Variants in DIAPH1 observed in about 807,000 individuals in gnomAD.
DIAPH1 encodes the protein protein diaphanous homolog 1.
DIAPH1 carries 46 observed loss-of-function variants against 140.7 expected under a neutral mutation model. The ratio of observed to expected loss-of-function variants is 0.33; its 90% CI spans 0.26 to 0.42. The LOEUF is 0.42. DIAPH1 is among the 10% of genes least tolerant of loss of function. The probability of loss-of-function intolerance (pLI) is 1.00; values close to 1 mark genes in which losing one functional copy is unlikely to be tolerated. For missense variants in DIAPH1, 1,310 were observed against 1,558.7 expected, an observed-to-expected ratio of 0.84 and a Z score of 2.69; for synonymous variants, 565 against 551.6, an observed-to-expected ratio of 1.02 and a Z score of -0.34.
Position 141,529,288 on chromosome 5 carries a change from A to T in DIAPH1, c.2677-15T>A. 1 of 1,604,328 alleles carries T rather than the reference A, an allele frequency of 6.2e-7. No individual in the cohort carries two copies. Among genetic ancestry groups the T allele is most frequent in the Non-Finnish European group, 8.5e-7 (1 of 1,171,012 alleles). On this transcript the variant is annotated splice_polypyrimidine_tract_variant and intron_variant, in intron 20 of 27. Transcript: ENST00000389054. The stretch of plus-strand genomic sequence containing the variant: ...TTAATGAGGTTCTGAAAGACAGAAG[A>T]GACATCTCAGCTGGAGGGGAATTCG...
chr5:141,542,654 A>G (rs2099890182), intron 18 of DIAPH1, among the ~76,000 whole-genome samples: 1 of 152,206 alleles, frequency 6.6e-6, no homozygotes, highest in Non-Finnish European at 1.5e-5. Flanking sequence ...AGGTAAATCT[A>G]TAGAGACACA....
At chr5:141,533,089 T>A (rs1281725917) in intron 19 of DIAPH1, among the ~76,000 whole-genome samples, 1 of 152,218 alleles carries the variant, frequency 6.6e-6, no homozygotes, top group Non-Finnish European at 1.5e-5. Context: ...ATTGGCTGTG[T>A]GATCTGGGCA....
intron 1 of DIAPH1, among the ~76,000 whole-genome samples, chr5:141,614,491 T>A (rs2099902343): frequency 6.6e-6 from 1 of 152,118 alleles, no homozygotes; most frequent in Non-Finnish European, 1.5e-5. Flanking sequence ...TTAAATCATG[T>A]CTCACTATTT....
In DIAPH1 at chr5:141,515,919, T is replaced by TC. The variant is rs1416871172; in HGVS notation, c.*931_*932insG. 2 of 148,992 alleles carry TC rather than the reference T, an allele frequency of 1.3e-5. No homozygotes were observed. The highest frequency in any genetic ancestry group is 3.9e-4 in the East Asian group (2 of 5,166). 9.2% of individuals were successfully genotyped at this position (148,992 alleles called of 1,614,324 possible). On this transcript the variant is annotated 3_prime_UTR_variant, in exon 28 of 28. Coordinates refer to ENST00000389054, the MANE Select transcript of DIAPH1 (RefSeq NM_005219.5). ...GAAGGAACAGTTTTCTTTAAAAAAATTTTTTTTTTCATACAAAAATAGATC... is the reference window on the plus strand; with the variant it reads ...GAAGGAACAGTTTTCTTTAAAAAAATCTTTTTTTTTCATACAAAAATAGATC...
chr5:141,612,723 T>C (rs926797452), intron 1 of DIAPH1, among the ~76,000 whole-genome samples: 1 of 152,150 alleles, frequency 6.6e-6, no homozygotes, highest in South Asian at 2.1e-4. Context: ...ACTATAGAAA[T>C]GGTTTCATGA....
chr5:141,525,371 C>T (rs769109876), intron 26 of DIAPH1, among the ~76,000 whole-genome samples: 3 of 152,000 alleles, frequency 2.0e-5, no homozygotes, highest in African/African-American at 4.8e-5. Flanking sequence ...TGTATTTCCG[C>T]TGCCCACAGA....
At chr5:141,609,281 G>A (rs1279980531) in intron 1 of DIAPH1, among the ~76,000 whole-genome samples, 1 of 151,534 alleles carries the variant, frequency 6.6e-6, no homozygotes, top group Non-Finnish European at 1.5e-5. Flanking sequence ...TTAATAGACT[G>A]TAGATGACCA....
At chr5:141,552,028 G>A (rs1326540326) in intron 18 of DIAPH1, among the ~76,000 whole-genome samples, 1 of 152,110 alleles carries the variant, frequency 6.6e-6, no homozygotes, top group Non-Finnish European at 1.5e-5. Context: ...CAGAATAATG[G>A]TCCTCCAAAG....
rs372638311 is a variant in DIAPH1, at chr5:141,516,819, G to T, written c.*32C>A. 5 of 1,612,810 alleles carry T rather than the reference G, an allele frequency of 3.1e-6. No homozygotes were observed. Among genetic ancestry groups the T allele is most frequent in the African/African-American group, 1.3e-5 (1 of 74,918 alleles). Reference sequence around the variant, plus strand: ...GCAGGGCAGGACAGTCTGCGGCTCCGCTGAGGAGCTGCCGCGGTCACAGGA... The same window carrying T: ...GCAGGGCAGGACAGTCTGCGGCTCCTCTGAGGAGCTGCCGCGGTCACAGGA... On this transcript the variant is annotated 3_prime_UTR_variant, in exon 28 of 28. Transcript: ENST00000389054.
chr5:141,535,937 T>A, intron 18 of DIAPH1: 1 of 445,694 alleles, frequency 2.2e-6, no homozygotes, highest in Non-Finnish European at 4.7e-6. Flanking sequence ...TGAAAAGTAT[T>A]ACCTGGTACA....
At chr5:141,584,484 G>C (rs1180006397) in intron 3 of DIAPH1, among the ~76,000 whole-genome samples, 3 of 151,990 alleles carry the variant, frequency 2.0e-5, no homozygotes, top group Admixed American at 2.0e-4. Flanking sequence ...CAATATAAAT[G>C]AAAGATTTAT....
Position 141,595,041 on chromosome 5 carries a change from CAAAAAAAAAA to C in DIAPH1, c.118-6801_118-6792del, listed in dbSNP as rs1201705026. Among the ~76,000 whole-genome samples, 3 of 79,116 alleles carry C rather than the reference CAAAAAAAAAA, an allele frequency of 3.8e-5. No individual in the cohort carries two copies. The South Asian group carries it at 1.1e-3, about 30-fold the overall frequency. The allele number at this position is 79,116 out of a possible 152,430, so 51.9% of individuals were successfully genotyped here. A position where few individuals can be genotyped will look rare whatever the true frequency, so the allele number is the denominator to read the frequency against. Reference sequence around the variant, plus strand: ...GGGCGACAAGAGCGAAACTCCATCTCAAAAAAAAAAAAAAAGAAAGAAAAAAGGAAAAGGC... The same window carrying C: ...GGGCGACAAGAGCGAAACTCCATCTCAAAAAGAAAGAAAAAAGGAAAAGGC... On this transcript the variant is annotated intron_variant, in intron 1 of 27. Coordinates refer to ENST00000389054, the MANE Select transcript of DIAPH1 (RefSeq NM_005219.5).
intron 18 of DIAPH1, among the ~76,000 whole-genome samples, chr5:141,538,831 G>A (rs1029659634): frequency 1.3e-5 from 2 of 152,190 alleles, no homozygotes; most frequent in African/African-American, 4.8e-5. Context: ...GCTTCCCAAA[G>A]TGCTGGGATT....
intron 8 of DIAPH1, among the ~76,000 whole-genome samples, chr5:141,579,716 G>A (rs2099896461): frequency 1.3e-5 from 2 of 152,084 alleles, no homozygotes; most frequent in Admixed American, 6.6e-5. Context: ...TTGGGAGGCC[G>A]AGGCGGGCGG....
chr5:141,580,125 G>C (rs2099896530), intron 8 of DIAPH1, among the ~76,000 whole-genome samples: 1 of 152,096 alleles, frequency 6.6e-6, no homozygotes, highest in Non-Finnish European at 1.5e-5. Flanking sequence ...AAAAGAAACA[G>C]GTTGAAAAGA....
At position 141,528,484 on chromosome 5, in the gene DIAPH1, G is replaced by A. The variant is rs778177136; in HGVS notation, c.3117C>T (p.Asp1039=). ...NDYPDVLKFP[D]ELAHVEKASR... Reference sequence around the variant, plus strand: ...TGGCTTTCTCCACATGGGCAAGCTCGTCTGGAAACTTGAGGACATCGGGAT... The same window carrying A: ...TGGCTTTCTCCACATGGGCAAGCTCATCTGGAAACTTGAGGACATCGGGAT... The change falls in exon 23 of 28, where the codon GAC becomes GAT. Residue 1039 remains aspartate, a synonymous_variant. Coordinates refer to ENST00000389054, the MANE Select transcript of DIAPH1 (RefSeq NM_005219.5). 13 of 1,614,068 alleles carry A rather than the reference G, an allele frequency of 8.1e-6. No homozygotes were observed. Among genetic ancestry groups the A allele is most frequent in the Admixed American group, 3.3e-5 (2 of 60,006 alleles).
chr5:141,589,332 C>G (rs955632093), intron 1 of DIAPH1, among the ~76,000 whole-genome samples: 1 of 152,212 alleles, frequency 6.6e-6, no homozygotes, highest in African/African-American at 2.4e-5. Flanking sequence ...GCTGGCCACT[C>G]TGACAGATAT....
chr5:141,578,898 A>T (rs2099896345), intron 9 of DIAPH1, among the ~76,000 whole-genome samples, 190 bp downstream of exon 9: 1 of 152,212 alleles, frequency 6.6e-6, no homozygotes. Flanking sequence ...TTTCCATCTC[A>T]TAATGAGGAA....
chr5:141,613,254 A>T (rs2099902123), intron 1 of DIAPH1, among the ~76,000 whole-genome samples: 2 of 152,314 alleles, frequency 1.3e-5, no homozygotes, highest in Admixed American at 1.3e-4. Context: ...AAAGAAATTT[A>T]AACAAATATT....
Sources: allele counts gnomAD v4.1 joint callset (sites outside exome capture counted in the v4.1 genomes callset), GRCh38; gene constraint gnomAD v4.1.1; transcripts MANE v1.5; gene names NCBI Gene and HGNC (gene_info 2026-07-23, HGNC 2026-07-21).